The following THSD7B variants were observed in gnomAD, a reference collection of about 807,000 sequenced individuals.
THSD7B encodes thrombospondin type 1 domain containing 7B, also known as thrombospondin type-1 domain-containing protein 7B.
Under a neutral mutation model 213.6 loss-of-function variants are expected in THSD7B, and 138 were observed. The ratio of observed to expected loss-of-function variants is 0.65; its 90% confidence interval spans 0.56 to 0.74. The LOEUF is 0.74. Among genes scored for constraint, THSD7B ranks in the 30% least tolerant of loss-of-function variants. The probability of loss-of-function intolerance (pLI) is 0.00; values close to 1 mark genes in which losing one functional copy is unlikely to be tolerated. For synonymous variants in THSD7B, 742 were observed against 687.0 expected, an observed-to-expected ratio of 1.08 and a Z score of -1.25; for missense variants, 1,931 against 1,991.5, an observed-to-expected ratio of 0.97 and a Z score of 0.58.
At chr2:137,377,703 G>A (rs1685690276) in intron 12 of THSD7B, among the ~76,000 whole-genome samples, 1 of 151,104 alleles carries the variant, frequency 6.6e-6, no homozygotes, top group Non-Finnish European at 1.5e-5. Flanking sequence ...CCTGATTCAC[G>A]GCAACCTCTG....
intron 15 of THSD7B, among the ~76,000 whole-genome samples, chr2:137,541,431 A>C (rs940422297): frequency 3.3e-5 from 5 of 151,744 alleles, no homozygotes; most frequent in Admixed American, 3.3e-4. Context: ...TTTAATTGAC[A>C]AATAATGGTA....
intron 12 of THSD7B, among the ~76,000 whole-genome samples, chr2:137,382,973 A>G (rs1032930512): frequency 1.3e-5 from 2 of 152,200 alleles, no homozygotes; most frequent in African/African-American, 4.8e-5. Context: ...GTGTGGATAT[A>G]GTAGCCAATG....
At chr2:136,898,208 A>G (rs1449428227) in intron 2 of THSD7B, among the ~76,000 whole-genome samples, 1 of 152,146 alleles carries the variant, frequency 6.6e-6, no homozygotes, top group Admixed American at 6.5e-5. Context: ...TCATCTCTTT[A>G]ATTTCCTTCA....
At chr2:136,966,475 CA>C (rs1386504923) in intron 2 of THSD7B, among the ~76,000 whole-genome samples, 3 of 152,170 alleles carry the variant, frequency 2.0e-5, no homozygotes, top group African/African-American at 7.2e-5. Context: ...GCTCAGCCTC[CA>C]AAAGTGCTGG....
At chr2:136,767,162 A>T (rs1438292172) in intron 1 of THSD7B, among the ~76,000 whole-genome samples, 2 of 152,076 alleles carry the variant, frequency 1.3e-5, no homozygotes, top group African/African-American at 2.4e-5. Context: ...TGTGCTCTTG[A>T]CTGTCTACTC....
intron 12 of THSD7B, among the ~76,000 whole-genome samples, chr2:137,327,004 C>T (rs1869325): frequency 1.3e-5 from 2 of 152,150 alleles, no homozygotes; most frequent in Non-Finnish European, 2.9e-5. Context: ...CTTGTTGATT[C>T]TTTCCTGCAA....
chr2:137,157,043 A>G (rs906736450), intron 5 of THSD7B, among the ~76,000 whole-genome samples: 19 of 152,324 alleles, frequency 1.2e-4, no homozygotes, highest in African/African-American at 4.3e-4. Flanking sequence ...TATGGACTCT[A>G]TGAAGACAGA....
At chr2:137,628,930 A>G (rs1430960609) in intron 20 of THSD7B, among the ~76,000 whole-genome samples, 1 of 152,090 alleles carries the variant, frequency 6.6e-6, no homozygotes, top group African/African-American at 2.4e-5. Context: ...TTTTCCTTAC[A>G]TGGAACCTCT....
At chr2:137,295,616 C>T (rs1169434661) in intron 12 of THSD7B, among the ~76,000 whole-genome samples, 1 of 151,970 alleles carries the variant, frequency 6.6e-6, no homozygotes, top group Admixed American at 6.6e-5. Flanking sequence ...GCTGGGATTA[C>T]AGGCACGTGC....
chr2:136,892,989 A>T (rs1184575087), intron 2 of THSD7B, among the ~76,000 whole-genome samples: 4 of 151,996 alleles, frequency 2.6e-5, no homozygotes, highest in African/African-American at 7.3e-5. Context: ...ACCTTTACTG[A>T]GTTATATCAT....
intron 2 of THSD7B, among the ~76,000 whole-genome samples, chr2:136,964,982 G>A (rs1685288121): frequency 7.0e-6 from 1 of 142,164 alleles, no homozygotes; most frequent in Admixed American, 7.5e-5. Flanking sequence ...CTGCACTCCA[G>A]CCTGGGTGAC....
At chr2:137,443,742 C>T (rs777827428) in intron 14 of THSD7B, among the ~76,000 whole-genome samples, 15 of 151,986 alleles carry the variant, frequency 9.9e-5, no homozygotes, top group Non-Finnish European at 1.9e-4. Context: ...AAATACAGTA[C>T]ACCAGTGAAT....
chr2:137,129,921 T>C (rs572067996), intron 5 of THSD7B, among the ~76,000 whole-genome samples: 4 of 152,302 alleles, frequency 2.6e-5, no homozygotes, highest in South Asian at 4.1e-4. Flanking sequence ...TGAGCATTAG[T>C]GGGAAAATGT....
chr2:137,097,581 C>A (rs923171947), intron 4 of THSD7B, among the ~76,000 whole-genome samples: 5 of 151,972 alleles, frequency 3.3e-5, no homozygotes, highest in African/African-American at 7.3e-5. Flanking sequence ...AATATACATG[C>A]ATTTGTGTGC....
chr2:136,877,869 A>G (rs771968988), intron 1 of THSD7B, among the ~76,000 whole-genome samples: 2 of 152,138 alleles, frequency 1.3e-5, no homozygotes, highest in Admixed American at 6.6e-5. Flanking sequence ...GCAGGGTGGT[A>G]TAATTTAATC....
chr2:137,513,134 GTATT>G (rs1461325249), intron 15 of THSD7B, among the ~76,000 whole-genome samples: 1 of 152,050 alleles, frequency 6.6e-6, no homozygotes, highest in Non-Finnish European at 1.5e-5. Flanking sequence ...CCTTTGGGGC[GTATT>G]TGTCACTTTT....
chr2:136,777,860 C>G (rs1053113682), intron 1 of THSD7B, among the ~76,000 whole-genome samples: 4 of 152,074 alleles, frequency 2.6e-5, no homozygotes, highest in African/African-American at 9.7e-5. Context: ...ATGGAAGAAA[C>G]CCTGTTAACT....
At chr2:137,105,097 C>CAGA (rs1359695910) in intron 4 of THSD7B, among the ~76,000 whole-genome samples, 1 of 152,128 alleles carries the variant, frequency 6.6e-6, no homozygotes, top group African/African-American at 2.4e-5. Flanking sequence ...CTGGCAGAGA[C>CAGA]ACAACAACAA....
In THSD7B at chr2:137,279,807, A is replaced by T. The variant is rs141920832; in HGVS notation, c.2500+3781A>T. On this transcript the variant is annotated intron_variant, in intron 12 of 27. Transcript: ENST00000409968. ...TCCCAAAAATACATGTCCACATGCT[A>T]AGCATCATAACCTGCACATATGACT... Among the ~76,000 whole-genome samples the T allele has an allele frequency of 2.0e-4, 30 of 152,310 alleles. 1 individual carries two copies. The highest frequency in any genetic ancestry group is 7.0e-4 in the African/African-American group (29 of 41,582).
Sources: gnomAD v4.1 joint callset for allele counts (sites outside exome capture counted in the v4.1 genomes callset) on GRCh38, gnomAD v4.1.1 for gene constraint, MANE v1.5 for transcripts, NCBI Gene and HGNC (gene_info 2026-07-23, HGNC 2026-07-21) for gene names.